ADK: variants seen among roughly 807,000 people sequenced by gnomAD.
The protein encoded by ADK is N6,N6-dimethyladenosine kinase.
In ADK, 24 loss-of-function variants were observed where a neutral mutation model predicts 44.7. The observed-to-expected ratio is 0.54, with a 90% CI of 0.39 to 0.76. ADK has a LOEUF of 0.76. Ranked by LOEUF, ADK falls within the 30% of genes least tolerant of loss-of-function variation. The pLI is 0.00. For synonymous variants in ADK, 128 were observed against 142.6 expected (o/e 0.90, Z 0.73); for missense variants, 321 against 425.1 (o/e 0.76, Z 2.15).
chr10:74,664,180 T>C (rs1423862615), intron 9 of ADK, among the ~76,000 whole-genome samples: 1 of 152,228 alleles, frequency 6.6e-6, no homozygotes, highest in African/African-American at 2.4e-5. Context: ...TATATCCATG[T>C]AGTGGACTAT....
chr10:74,391,993 C>A (rs1239119315), intron 4 of ADK, among the ~76,000 whole-genome samples: 2 of 152,078 alleles, frequency 1.3e-5, no homozygotes, highest in African/African-American at 2.4e-5. Flanking sequence ...TTAGCAAGTT[C>A]TTGATGTTCA....
chr10:74,219,146 T>C (rs1406842967), intron 2 of ADK, among the ~76,000 whole-genome samples: 2 of 152,054 alleles, frequency 1.3e-5, no homozygotes, highest in African/African-American at 2.4e-5. Context: ...GAGACACACA[T>C]AGGCTCAAAA....
In ADK at chr10:74,378,629, G is replaced by A. The variant is rs143155682; in HGVS notation, c.274-15512G>A. Among the ~76,000 whole-genome samples, 16 of 152,252 alleles carry A rather than the reference G, an allele frequency of 1.1e-4. No individual in the cohort carries two copies. In the East Asian group the frequency reaches 3.1e-3, roughly 29 times the overall value. On this transcript the variant is annotated intron_variant, in intron 4 of 10. Transcript: ENST00000539909. ...AGAATGCATTAGAAGAGTGTTTGTGGCATAGGGAATGTTGGAACAGAAGCA... is the reference window on the plus strand; with the variant it reads ...AGAATGCATTAGAAGAGTGTTTGTGACATAGGGAATGTTGGAACAGAAGCA...
intron 9 of ADK, among the ~76,000 whole-genome samples, chr10:74,663,046 G>A (rs1029303331): frequency 2.0e-5 from 3 of 151,872 alleles, no homozygotes; most frequent in African/African-American, 7.3e-5. Flanking sequence ...GGCAAGCCTG[G>A]CCGACATGAT....
At chr10:74,629,799 A>C (rs1853345984) in intron 9 of ADK, among the ~76,000 whole-genome samples, 1 of 152,190 alleles carries the variant, frequency 6.6e-6, no homozygotes, top group Non-Finnish European at 1.5e-5. Flanking sequence ...ATACAAATGA[A>C]ATTTTGATGC....
intron 6 of ADK, among the ~76,000 whole-genome samples, chr10:74,470,199 A>G (rs533209615): frequency 7.2e-5 from 11 of 151,744 alleles, no homozygotes; most frequent in African/African-American, 2.7e-4. Context: ...TAATTTTTAT[A>G]TCTTTAGTGG....
intron 9 of ADK, among the ~76,000 whole-genome samples, chr10:74,610,612 T>G (rs1369288488): frequency 6.6e-6 from 1 of 152,084 alleles, no homozygotes; most frequent in Non-Finnish European, 1.5e-5. Context: ...TAAAAAAAAT[T>G]AAACATAACC....
intron 4 of ADK, among the ~76,000 whole-genome samples, chr10:74,388,842 C>A (rs1367894793): frequency 1.3e-5 from 2 of 152,110 alleles, no homozygotes; most frequent in African/African-American, 2.4e-5. Flanking sequence ...GATTTCAACT[C>A]ATTCTTCTCT....
chr10:74,539,594 A>G (rs768364022), intron 7 of ADK, among the ~76,000 whole-genome samples: 3 of 152,056 alleles, frequency 2.0e-5, no homozygotes, highest in South Asian at 2.1e-4. Context: ...TTTTTCTGCT[A>G]TAAGTGATAA....
intron 3 of ADK, 125 bp downstream of exon 3, chr10:74,224,716 A>T (rs1844463950): frequency 1.3e-6 from 1 of 765,410 alleles, no homozygotes; most frequent in African/African-American, 1.7e-5. Flanking sequence ...TATGACCTTA[A>T]TCCTAACAAT....
intron 10 of ADK, among the ~76,000 whole-genome samples, chr10:74,675,215 C>T (rs1244354103): frequency 6.6e-6 from 1 of 152,144 alleles, no homozygotes; most frequent in East Asian, 1.9e-4. Flanking sequence ...AAGTATCACT[C>T]CAGCTACCAT....
At chr10:74,689,748 G>GT (rs1390542577) in intron 10 of ADK, among the ~76,000 whole-genome samples, 2 of 152,130 alleles carry the variant, frequency 1.3e-5, no homozygotes, top group Admixed American at 6.5e-5. Flanking sequence ...GACATAACCT[G>GT]TTTCATTTTC....
chr10:74,493,794 C>T (rs1019435605), intron 6 of ADK, among the ~76,000 whole-genome samples: 2 of 151,956 alleles, frequency 1.3e-5, no homozygotes, highest in Non-Finnish European at 1.5e-5. Flanking sequence ...TTAAAAATAT[C>T]AGGTATTTTA....
At chr10:74,582,975 C>G (rs1340517467) in intron 7 of ADK, among the ~76,000 whole-genome samples, 1 of 152,066 alleles carries the variant, frequency 6.6e-6, no homozygotes, top group Non-Finnish European at 1.5e-5. Context: ...ATTTCTCCAG[C>G]CTTCAGTTAC....
chr10:74,404,942 G>T (rs938125701), intron 6 of ADK, among the ~76,000 whole-genome samples: 1 of 152,178 alleles, frequency 6.6e-6, no homozygotes, highest in African/African-American at 2.4e-5. Flanking sequence ...AGAGCTATCG[G>T]TTTTTAGTTT....
chr10:74,350,849 A>T (rs944288410), intron 4 of ADK, among the ~76,000 whole-genome samples: 1 of 152,158 alleles, frequency 6.6e-6, no homozygotes, highest in South Asian at 2.1e-4. Flanking sequence ...ACATTCCTGG[A>T]CACATACACC....
intron 3 of ADK, among the ~76,000 whole-genome samples, chr10:74,302,127 T>TTTTTTTTTTTTG: frequency 1.0e-5 from 1 of 99,664 alleles, no homozygotes; most frequent in Non-Finnish European, 2.0e-5. Context: ...TTTTTTTTTT[T>TTTTTTTTTTTTG]TTTTTTTTTT....
intron 9 of ADK, among the ~76,000 whole-genome samples, chr10:74,662,515 A>G (rs1477254559): frequency 6.6e-6 from 1 of 152,150 alleles, no homozygotes; most frequent in Non-Finnish European, 1.5e-5. Flanking sequence ...TCCTGGGCTC[A>G]ACCAGTCCTC....
chr10:74,581,805 C>G (rs1851382973), intron 7 of ADK, among the ~76,000 whole-genome samples: 1 of 152,122 alleles, frequency 6.6e-6, no homozygotes, highest in African/African-American at 2.4e-5. Flanking sequence ...AATATTAACC[C>G]AGAATTCTAG....
Sources: gnomAD v4.1 joint callset for allele counts (sites outside exome capture counted in the v4.1 genomes callset) on GRCh38, gnomAD v4.1.1 for gene constraint, MANE v1.5 for transcripts, NCBI Gene and HGNC (gene_info 2026-07-23, HGNC 2026-07-21) for gene names.